Variants in NXPH2 observed in about 807,000 individuals in gnomAD.
The protein encoded by NXPH2 is neurexophilin 2.
Under a neutral mutation model 19.8 loss-of-function variants are expected in NXPH2, and 5 were observed. The ratio of observed to expected loss-of-function variants is 0.25; its 90% CI spans 0.13 to 0.53. The LOEUF is 0.53. Ranked by LOEUF, NXPH2 falls within the 20% of genes least tolerant of loss-of-function variation. NXPH2 has a pLI of 0.96. For synonymous variants in NXPH2, 154 were observed against 127.4 expected (o/e 1.21, Z -1.41); for missense variants, 289 against 322.8 (o/e 0.90, Z 0.80).
At chr2:138,681,799 A>G (rs1283843574) in intron 1 of NXPH2, among the ~76,000 whole-genome samples, 4 of 152,196 alleles carry the variant, frequency 2.6e-5, no homozygotes, top group African/African-American at 7.2e-5. Flanking sequence ...TTGTTTCAGA[A>G]TGATGACCAT....
intron 1 of NXPH2, among the ~76,000 whole-genome samples, chr2:138,707,918 G>C (rs777793058): frequency 1.3e-5 from 2 of 152,062 alleles, no homozygotes; most frequent in Non-Finnish European, 2.9e-5. Context: ...ACTTGTGTCT[G>C]CCCTTTTAAA....
At chr2:138,750,427 TA>T (rs139511271) in intron 1 of NXPH2, among the ~76,000 whole-genome samples, 5 of 151,920 alleles carry the variant, frequency 3.3e-5, no homozygotes, top group East Asian at 1.9e-4. Context: ...GGTACTAAAA[TA>T]AAAAAAACTC....
At chr2:138,691,003 A>G (rs1680737188) in intron 1 of NXPH2, among the ~76,000 whole-genome samples, 1 of 152,216 alleles carries the variant, frequency 6.6e-6, no homozygotes, top group Non-Finnish European at 1.5e-5. Flanking sequence ...GCTCGCCATC[A>G]CAACAAGGGA....
chr2:138,680,852 T>C (rs1680570264), intron 1 of NXPH2, among the ~76,000 whole-genome samples: 1 of 152,230 alleles, frequency 6.6e-6, no homozygotes, highest in Non-Finnish European at 1.5e-5. Context: ...ATTGATTTGT[T>C]TATAATTACT....
intron 1 of NXPH2, among the ~76,000 whole-genome samples, chr2:138,707,107 A>AAAAAAAAAAAAAAACAAAAAAAAACC (rs1558918445): frequency 6.8e-6 from 1 of 146,536 alleles, no homozygotes; most frequent in African/African-American, 2.5e-5. Flanking sequence ...AAAAAAAAAA[A>AAAAAAAAAAAAAAACAAAAAAAAACC]AAAAAGAGCA....
At chr2:138,704,378 T>A in intron 1 of NXPH2, among the ~76,000 whole-genome samples, 1 of 152,202 alleles carries the variant, frequency 6.6e-6, no homozygotes, top group East Asian at 1.9e-4. Flanking sequence ...CTACAAACTA[T>A]CAGCAGTCTA....
intron 1 of NXPH2, among the ~76,000 whole-genome samples, chr2:138,766,288 C>CAA (rs561080053): frequency 5.6e-4 from 86 of 152,258 alleles, no homozygotes; most frequent in Non-Finnish European, 1.1e-3. Context: ...AGTTCAAAGA[C>CAA]AAAGCATTTA....
At chr2:138,766,462 G>A (rs1457862299) in intron 1 of NXPH2, among the ~76,000 whole-genome samples, 31 of 152,144 alleles carry the variant, frequency 2.0e-4, no homozygotes, top group Admixed American at 2.0e-3. Flanking sequence ...AGTGGGAGAA[G>A]GTGCTACTCG....
rs996109263 is a variant in NXPH2 at position 138,780,350 on chromosome 2, C to G, written c.-109G>C. ...ACGCCAGGGACACAGCGCGGCGCTT[C>G]CCTCCCGGAATCCGAGCGCTGCGCC... On this transcript the variant is annotated 5_prime_UTR_variant, in exon 1 of 2. Coordinates refer to ENST00000272641, the MANE Select transcript of NXPH2 (RefSeq NM_007226.3). 1.2e-5 allele frequency: 10 copies of G among 862,218 alleles called. No homozygotes were observed. Among genetic ancestry groups the G allele is most frequent in the Non-Finnish European group, 1.3e-5 (8 of 623,676 alleles). 53.4% of individuals were successfully genotyped at this position (862,218 alleles called of 1,614,324 possible). A position where few individuals can be genotyped will look rare whatever the true frequency, so the allele number is the denominator to read the frequency against.
chr2:138,776,125 T>G (rs778091255), intron 1 of NXPH2, among the ~76,000 whole-genome samples: 13 of 152,230 alleles, frequency 8.5e-5, no homozygotes, highest in South Asian at 2.1e-4. Context: ...TCAAGGTGTA[T>G]TGATTAGCTC....
intron 1 of NXPH2, among the ~76,000 whole-genome samples, chr2:138,727,015 G>A (rs1681370553): frequency 6.6e-6 from 1 of 152,172 alleles, no homozygotes; most frequent in Non-Finnish European, 1.5e-5. Context: ...ATGCCATATA[G>A]TTGGAATCAT....
intron 1 of NXPH2, among the ~76,000 whole-genome samples, chr2:138,672,060 C>G (rs974981898): frequency 6.6e-6 from 1 of 152,060 alleles, no homozygotes; most frequent in African/African-American, 2.4e-5. Flanking sequence ...GCTGAAGTAT[C>G]TACAAAGGAG....
rs1201198773 is a variant in NXPH2 at position 138,670,659 on chromosome 2, A to G, written c.*263T>C. On this transcript the variant is annotated 3_prime_UTR_variant, in exon 2 of 2. Coordinates refer to ENST00000272641, the MANE Select transcript of NXPH2 (RefSeq NM_007226.3). ...ATGTTTCTTTCAGAGAAACAATAAG[A>G]TTTCTAGAACTTAGTCATCTTGCAT... The G allele has an allele frequency of 3.1e-6, 1 of 319,990 alleles. No individual in the cohort carries two copies. Among genetic ancestry groups the G allele is most frequent in the Non-Finnish European group, 5.7e-6 (1 of 176,208 alleles). 19.8% of individuals were successfully genotyped at this position (319,990 alleles called of 1,614,324 possible).
Position 138,670,820 on chromosome 2 carries a change from G to T in NXPH2, c.*102C>A. The T allele has an allele frequency of 7.8e-7, 1 of 1,276,050 alleles. No individual in the cohort carries two copies. 79.0% of individuals were successfully genotyped at this position (1,276,050 alleles called of 1,614,324 possible). A position where few individuals can be genotyped will look rare whatever the true frequency, so the allele number is the denominator to read the frequency against. ...ACCTGATAGGGAACTATTGTTCACT[G>T]CCAGAAACAAAAGGGATCCTTTATC... On this transcript the variant is annotated 3_prime_UTR_variant, in exon 2 of 2. Transcript: ENST00000272641.
rs1395039200 is a variant in NXPH2, at chr2:138,737,678, A to G, written c.51+42513T>C. Among the ~76,000 whole-genome samples the G allele has an allele frequency of 1.0e-3, 159 of 152,226 alleles. 1 individual carries two copies. Among genetic ancestry groups the G allele is most frequent in the Non-Finnish European group, 1.3e-4 (9 of 68,040 alleles). ...CATTCTCTCCCAAGTCAAGAGCAGC[A>G]TCTTTGGATTATCCAGAGTTGGATG... is the stretch of plus-strand genomic sequence containing the variant. On this transcript the variant is annotated intron_variant, in intron 1 of 1. Transcript: ENST00000272641.
intron 1 of NXPH2, among the ~76,000 whole-genome samples, chr2:138,742,474 T>C (rs1466884734): frequency 6.6e-6 from 1 of 152,222 alleles, no homozygotes; most frequent in Admixed American, 6.5e-5. Flanking sequence ...CGTATCAGAA[T>C]GTATTTCTGA....
chr2:138,737,342 G>A lies in NXPH2; in HGVS notation c.51+42849C>T, dbSNP rs182050677. Among the ~76,000 whole-genome samples, 463 of 152,170 alleles carry A rather than the reference G, an allele frequency of 3.0e-3. 2 individuals are homozygous for A. Among genetic ancestry groups the A allele is most frequent in the African/African-American group, 9.9e-3 (412 of 41,538 alleles). ...AGTCACATCTTACATGGATGGCAGC[G>A]GGCAAAAAGAGAGTGAGAGCCAAGC... On this transcript the variant is annotated intron_variant, in intron 1 of 1. Coordinates refer to ENST00000272641, the MANE Select transcript of NXPH2 (RefSeq NM_007226.3).
chr2:138,688,649 G>A (rs955129251), intron 1 of NXPH2, among the ~76,000 whole-genome samples: 1 of 152,156 alleles, frequency 6.6e-6, no homozygotes, highest in Non-Finnish European at 1.5e-5. Context: ...GTTCAGATGT[G>A]TAACAACTAT....
chr2:138,755,752 A>G (rs1681896967), intron 1 of NXPH2, among the ~76,000 whole-genome samples: 1 of 152,122 alleles, frequency 6.6e-6, no homozygotes, highest in Non-Finnish European at 1.5e-5. Context: ...TCTGTTGATC[A>G]AGTTAGGAAT....
Sources: allele counts gnomAD v4.1 joint callset (sites outside exome capture counted in the v4.1 genomes callset), GRCh38; gene constraint gnomAD v4.1.1; transcripts MANE v1.5; gene names NCBI Gene and HGNC (gene_info 2026-07-23, HGNC 2026-07-21).